The following LITAF variants were observed in gnomAD, a reference collection of about 807,000 sequenced individuals.
LITAF encodes lipopolysaccharide induced TNF factor.
In LITAF, 9 loss-of-function variants were observed where a neutral mutation model predicts 14.5. The observed-to-expected ratio is 0.62, with a 90% CI of 0.37 to 1.08. The LOEUF is 1.08. Ranked by LOEUF, LITAF falls within the 50% of genes least tolerant of loss-of-function variation. The pLI, the probability that LITAF is intolerant of heterozygous loss-of-function variation, is 0.01. For missense variants in LITAF, 206 were observed against 213.4 expected, an observed-to-expected ratio of 0.97 and a Z score of 0.22; for synonymous variants, 98 against 88.2, an observed-to-expected ratio of 1.11 and a Z score of -0.62.
At chr16:11,625,971 G>A (rs1171234601) in intron 3 of LITAF, among the ~76,000 whole-genome samples, 1 of 152,092 alleles carries the variant, frequency 6.6e-6, no homozygotes, top group Non-Finnish European at 1.5e-5. Context: ...ACCTGCCTAA[G>A]GCCACACAGC....
chr16:11,585,591 C>T (rs376421339), intron 1 of LITAF, among the ~76,000 whole-genome samples: 73 of 152,282 alleles, frequency 4.8e-4, no homozygotes, highest in African/African-American at 1.6e-3. Context: ...CTGCACTTCT[C>T]TCTGTAGGCA....
At chr16:11,573,617 A>C (rs1195937459) in intron 1 of LITAF, among the ~76,000 whole-genome samples, 1 of 151,568 alleles carries the variant, frequency 6.6e-6, no homozygotes, top group African/African-American at 2.4e-5. Context: ...TGCAATCACC[A>C]CCAAGATATA....
chr16:11,637,926 C>A (rs78369264), upstream of LITAF, among the ~76,000 whole-genome samples: 13,618 of 67,956 alleles, frequency 0.2, 4,247 homozygotes, highest in Non-Finnish European at 0.25. Flanking sequence ...ATATCTATAT[C>A]TATATCTATA....
Position 11,549,673 on chromosome 16 carries a change from G to T in LITAF, c.450C>A (p.Asn150Lys). Residue 150 changes from asparagine to lysine, a missense_variant, in exon 4 of 4, where the codon AAC becomes AAA. Physicochemically the swap from Asn to Lys is moderately conservative, Grantham distance 94. Transcript: ENST00000622633. The surrounding 1 kb of genome is among the most constrained non-coding windows in gnomAD (Gnocchi z 4.6). ...ALQDVDHYCP[N>K]CRALLGTYKR... ...TGTAGGTGCCCAGGAGAGCTCTGCA[G>T]TTGGGACAGTAATGGTCCACGTCCT... 6.2e-7 allele frequency: 1 copy of T among 1,613,754 alleles called. No homozygotes were observed. Among genetic ancestry groups the T allele is most frequent in the Non-Finnish European group, 8.5e-7 (1 of 1,179,854 alleles).
intron 1 of LITAF, among the ~76,000 whole-genome samples, chr16:11,576,640 A>G (rs2064641293): frequency 2.0e-5 from 3 of 151,340 alleles, no homozygotes; most frequent in African/African-American, 7.3e-5. Flanking sequence ...GGCTGCCAAC[A>G]GTCCAACATG....
Position 11,558,438 on chromosome 16 carries a change from TGGCTC to T in LITAF, c.-5-1708_-5-1704del, listed in dbSNP as rs1352411045. On this transcript the variant is annotated intron_variant, in intron 1 of 3. Transcript: ENST00000622633. This position sits in a 1 kb window ranked among gnomAD's most constrained non-coding sequence, Gnocchi z 4.1. ...AACAAAACAAAAGGGCTGGGTGCAG[TGGCTC>T]ATGCCTGTAATCCCAGTACTTTGGG... Among the ~76,000 whole-genome samples the T allele has an allele frequency of 6.6e-6, 1 of 152,094 alleles. No individual in the cohort carries two copies. The highest frequency in any genetic ancestry group is 2.4e-5 in the African/African-American group (1 of 41,414).
At position 11,586,905 on chromosome 16, in the gene LITAF, C is replaced by A; in HGVS notation, c.-25G>T. On this transcript the variant is annotated 5_prime_UTR_variant, in exon 1 of 4. Coordinates refer to ENST00000622633, the MANE Select transcript of LITAF (RefSeq NM_001136472.2). This position sits in a 1 kb window ranked among gnomAD's most constrained non-coding sequence, Gnocchi z 6.5. ...ACTCACCGCCGCCCGCGCCGCCTGT[C>A]GAGCCGGGAGGTCTGAGCTGGCCTC... 2 of 150,996 alleles carry A rather than the reference C, an allele frequency of 1.3e-5. No homozygotes were observed. Among genetic ancestry groups the A allele is most frequent in the South Asian group, 3.8e-4 (2 of 5,250 alleles). The allele number at this position is 150,996 out of a possible 1,614,324, so 9.4% of individuals were successfully genotyped here. A position where few individuals can be genotyped will look rare whatever the true frequency, so the allele number is the denominator to read the frequency against.
chr16:11,548,388 G>A lies in LITAF; in HGVS notation c.*1249C>T. ...CTCTGAAAACTAAAATCAGACTTTA[G>A]ATTCCTCTGAAACAGTTCTGGTTCC... is the stretch of plus-strand genomic sequence containing the variant. On this transcript the variant is annotated 3_prime_UTR_variant, in exon 4 of 4. Coordinates refer to ENST00000622633, the MANE Select transcript of LITAF (RefSeq NM_001136472.2). 2.2e-6 allele frequency: 1 copy of A among 453,932 alleles called. No homozygotes were observed. The highest frequency in any genetic ancestry group is 4.4e-6 in the Non-Finnish European group (1 of 226,776). 28.1% of individuals were successfully genotyped at this position (453,932 alleles called of 1,614,324 possible). A position where few individuals can be genotyped will look rare whatever the true frequency, so the allele number is the denominator to read the frequency against.
intron 1 of LITAF, among the ~76,000 whole-genome samples, chr16:11,566,098 A>G (rs1049026969): frequency 6.6e-6 from 1 of 152,178 alleles, no homozygotes; most frequent in Non-Finnish European, 1.5e-5. Context: ...CTTGGAACAC[A>G]TAAGCACTCG....
At chr16:11,600,056 C>T (rs2064917791), upstream of LITAF, among the ~76,000 whole-genome samples, 3 of 152,098 alleles carry the variant, frequency 2.0e-5, no homozygotes, top group South Asian at 4.1e-4. The surrounding 1 kb of genome is among the most constrained non-coding windows in gnomAD (Gnocchi z 4.1). Context: ...AGTGCAGTGG[C>T]GTGATCATAT....
chr16:11,572,185 G>A (rs939495475), intron 1 of LITAF, among the ~76,000 whole-genome samples: 1 of 152,046 alleles, frequency 6.6e-6, no homozygotes, highest in Non-Finnish European at 1.5e-5. Flanking sequence ...CCAGTGACCT[G>A]CCTCTCCTCC....
In LITAF at chr16:11,629,929, A is replaced by G. The variant is rs2065107870; in HGVS notation, c.85+3604T>C. ...GGCTCTGCAAACATCTCCAAGTGTC[A>G]CAGGCCTGGCTGCTACGGTGGGAGA... On this transcript the variant is annotated intron_variant, in intron 3 of 3. Coordinates refer to the LITAF transcript ENST00000574848. Among the ~76,000 whole-genome samples, 4 of 152,238 alleles carry G rather than the reference A, an allele frequency of 2.6e-5. No individual in the cohort carries two copies. In the South Asian group the frequency reaches 8.3e-4, roughly 32 times the overall value.
chr16:11,563,822 T>G (rs1429181524), intron 1 of LITAF, among the ~76,000 whole-genome samples: 2 of 152,040 alleles, frequency 1.3e-5, no homozygotes, highest in Admixed American at 1.3e-4. Flanking sequence ...AAGCTGCATA[T>G]TTACTGCTTC....
At position 11,554,849 on chromosome 16, in the gene LITAF, GTTGTTAAGCTCATATTT is replaced by G. The variant is rs547975288; in HGVS notation, c.221-1177_221-1161del. ...GTGATGAAAATCATCAAGCACTTCA[GTTGTTAAGCTCATATTT>G]TTGTTAAAGCAACTTCCTTCTGTTC... is the stretch of plus-strand genomic sequence containing the variant. On this transcript the variant is annotated intron_variant, in intron 2 of 3. Coordinates refer to ENST00000622633, the MANE Select transcript of LITAF (RefSeq NM_001136472.2). 2.7e-4 allele frequency among the ~76,000 whole-genome samples: 40 copies of G among 149,184 alleles called. No homozygotes were observed. The South Asian group carries it at 5.1e-3, about 19-fold the overall frequency.
At chr16:11,619,660 G>T (rs1215651735) in intron 3 of LITAF, among the ~76,000 whole-genome samples, 1 of 151,694 alleles carries the variant, frequency 6.6e-6, no homozygotes, top group Non-Finnish European at 1.5e-5. Context: ...TTGACTTCCT[G>T]GGCTCAAACC....
At chr16:11,567,861 G>A (rs2064478347) in intron 1 of LITAF, among the ~76,000 whole-genome samples, 1 of 152,196 alleles carries the variant, frequency 6.6e-6, no homozygotes, top group Non-Finnish European at 1.5e-5. Flanking sequence ...ACGCAGCCCT[G>A]TAATCCCAGC....
intron 1 of LITAF, among the ~76,000 whole-genome samples, chr16:11,594,889 A>AT (rs71136670): frequency 0.43 from 63,625 of 147,414 alleles, 14,517 homozygotes; most frequent in African/African-American, 0.61. Context: ...AAAATAAAAA[A>AT]AAATAAAATA....
At chr16:11,620,167 CAAAAAAAA>C (rs533195309) in intron 3 of LITAF, among the ~76,000 whole-genome samples, 2 of 67,358 alleles carry the variant, frequency 3.0e-5, no homozygotes, top group Non-Finnish European at 6.3e-5. Context: ...GAGTCCGTCT[CAAAAAAAA>C]AAAAAAAAGA....
rs561068687 is a variant in LITAF, at chr16:11,583,280, G to A, written c.-6+3606C>T. On this transcript the variant is annotated intron_variant, in intron 1 of 3. Coordinates refer to ENST00000622633, the MANE Select transcript of LITAF (RefSeq NM_001136472.2). ...TCTTAAAGCCAGGTTCAAGCATGGC[G>A]TAATGACAAATCACAGTGATTTGTG... Among the ~76,000 whole-genome samples, 7 of 152,260 alleles carry A rather than the reference G, an allele frequency of 4.6e-5. No homozygotes were observed. In the South Asian group the frequency reaches 6.2e-4, roughly 14 times the overall value.
Sources: allele counts gnomAD v4.1 joint callset (sites outside exome capture counted in the v4.1 genomes callset), GRCh38; gene constraint gnomAD v4.1.1; non-coding constraint Gnocchi (gnomAD v3.1); transcripts MANE v1.5; gene names NCBI Gene and HGNC (gene_info 2026-07-23, HGNC 2026-07-21).